Variants in PTPRB observed in about 807,000 individuals in gnomAD.
PTPRB encodes receptor-type tyrosine-protein phosphatase beta.
In PTPRB, 97 loss-of-function variants were observed where a neutral mutation model predicts 238.1. That is an observed-to-expected ratio of 0.41 (90% confidence interval 0.35 to 0.48). The LOEUF (loss-of-function observed/expected upper bound fraction) is 0.48, where lower values mean the gene tolerates loss of function less well. PTPRB is among the 20% of genes least tolerant of loss of function. The pLI is 0.30. For synonymous variants in PTPRB, 970 were observed against 995.4 expected, an observed-to-expected ratio of 0.97 and a Z score of 0.48; for missense variants, 2,292 against 2,681.9, an observed-to-expected ratio of 0.85 and a Z score of 3.21.
chr12:70,526,519 T>C (rs928334331), intron 32 of PTPRB, among the ~76,000 whole-genome samples: 2 of 152,200 alleles, frequency 1.3e-5, no homozygotes, highest in Admixed American at 6.5e-5. Context: ...AAAAGGACAT[T>C]TTAAACAAAT....
intron 1 of PTPRB, among the ~76,000 whole-genome samples, chr12:70,636,952 C>T (rs183945879): frequency 1.7e-4 from 26 of 152,274 alleles, no homozygotes; most frequent in African/African-American, 6.0e-4. Flanking sequence ...TCCTCACCCC[C>T]TTTAATCATA....
intron 4 of PTPRB, among the ~76,000 whole-genome samples, chr12:70,597,026 T>C (rs1883090199): frequency 1.3e-5 from 2 of 152,092 alleles, no homozygotes; most frequent in South Asian, 4.2e-4. Context: ...CAAGCAATTC[T>C]TCTGCCTCAG....
At chr12:70,525,003 A>ATAT (rs1565897537) in intron 32 of PTPRB, among the ~76,000 whole-genome samples, 2 of 150,952 alleles carry the variant, frequency 1.3e-5, no homozygotes, top group African/African-American at 4.9e-5. Context: ...ATATATATAT[A>ATAT]AAATATTCTG....
In PTPRB at chr12:70,556,403, ATAGT is replaced by A. The variant is rs139477819; in HGVS notation, c.4715-259_4715-256del. Among the ~76,000 whole-genome samples the A allele has an allele frequency of 8.3e-3, 1,258 of 152,278 alleles. 11 individuals are homozygous for A. Among genetic ancestry groups the A allele is most frequent in the Middle Eastern group, 0.024 (7 of 294 alleles). ...AAAGAATGCCTTGATGGGCTTATTA[ATAGT>A]TAGACGTGGCTGAGGACAGTCTCTG... On this transcript the variant is annotated intron_variant, in intron 18 of 33. Transcript: ENST00000334414.
At chr12:70,524,903 GTGTATATATGTA>G (rs1872162301) in intron 32 of PTPRB, among the ~76,000 whole-genome samples, 1 of 134,460 alleles carries the variant, frequency 7.4e-6, no homozygotes, top group African/African-American at 2.6e-5. Context: ...GTGTATATAT[GTGTATATATGTA>G]TGTATATATG....
intron 3 of PTPRB, among the ~76,000 whole-genome samples, chr12:70,619,780 C>T (rs770619234): frequency 1.3e-5 from 2 of 152,236 alleles, no homozygotes; most frequent in African/African-American, 2.4e-5. Flanking sequence ...TTTATTTTTA[C>T]ACAATTCCAA....
chr12:70,619,157 AGTGTGTGTGTGTGTGTGTGTGT>A (rs3049143), intron 3 of PTPRB, among the ~76,000 whole-genome samples: 3 of 142,120 alleles, frequency 2.1e-5, no homozygotes, highest in African/African-American at 7.9e-5. Flanking sequence ...TGTTTAGGGG[AGTGTGTGTGTGTGTGTGTGTGT>A]GTGTGTGTGT....
chr12:70,628,122 C>G (rs1164584080), intron 2 of PTPRB, among the ~76,000 whole-genome samples: 1 of 152,138 alleles, frequency 6.6e-6, no homozygotes, highest in Non-Finnish European at 1.5e-5. Flanking sequence ...TCGGCCATAT[C>G]AGGGACACTT....
intron 3 of PTPRB, among the ~76,000 whole-genome samples, chr12:70,610,428 C>G (rs192348088): frequency 6.6e-6 from 1 of 151,432 alleles, no homozygotes; most frequent in African/African-American, 2.4e-5. Context: ...AGCGTCTCCC[C>G]CTCCCTATCT....
chr12:70,594,146 AT>A (rs1218086120), intron 6 of PTPRB, among the ~76,000 whole-genome samples: 2 of 152,218 alleles, frequency 1.3e-5, no homozygotes, highest in East Asian at 3.9e-4. Context: ...GAGTGATGTC[AT>A]AAAGACAGCA....
intron 1 of PTPRB, 39 bp downstream of exon 1, chr12:70,637,302 T>C (rs757886233): frequency 6.4e-7 from 1 of 1,570,422 alleles, no homozygotes; most frequent in Non-Finnish European, 8.7e-7. Context: ...GGCTAGATCT[T>C]GAAGAAATGC....
rs572755141 is a variant in PTPRB at position 70,548,699 on chromosome 12, A to G, written c.5388-4036T>C. On this transcript the variant is annotated intron_variant, in intron 21 of 33. Coordinates refer to ENST00000334414, the MANE Select transcript of PTPRB (RefSeq NM_001109754.4). ...TCCCTTAAAACTTTTCCAAAAATGA[A>G]TATCACAACTACTTTCCCCAGCCCA... Among the ~76,000 whole-genome samples the G allele has an allele frequency of 5.3e-5, 8 of 152,264 alleles. No individual in the cohort carries two copies. The South Asian group carries it at 1.5e-3, about 28-fold the overall frequency.
At chr12:70,538,817 G>T in intron 27 of PTPRB, 107 bp downstream of exon 27, 3 of 864,258 alleles carry the variant, frequency 3.5e-6, no homozygotes, top group South Asian at 3.1e-5. Context: ...GCTTGAGATT[G>T]TCCATATCGA....
chr12:70,573,541 C>T (rs1880354629), intron 11 of PTPRB, among the ~76,000 whole-genome samples: 1 of 138,696 alleles, frequency 7.2e-6, no homozygotes, highest in Non-Finnish European at 1.5e-5. Flanking sequence ...GAATCTCACT[C>T]TCTTGCCCGG....
intron 15 of PTPRB, among the ~76,000 whole-genome samples, chr12:70,565,878 T>C (rs939038377): frequency 6.6e-6 from 1 of 152,160 alleles, no homozygotes. Context: ...GATTGTCCGG[T>C]TGGTGACCAA....
intron 8 of PTPRB, among the ~76,000 whole-genome samples, chr12:70,588,505 T>G (rs1326654896): frequency 6.6e-6 from 1 of 151,960 alleles, no homozygotes; most frequent in African/African-American, 2.4e-5. Flanking sequence ...TGGTGGCACA[T>G]GCCTGTGATC....
intron 3 of PTPRB, among the ~76,000 whole-genome samples, chr12:70,618,657 C>G (rs368744141): frequency 1.3e-5 from 2 of 152,160 alleles, no homozygotes; most frequent in African/African-American, 4.8e-5. Flanking sequence ...CCATACTTGG[C>G]GAACAATTGA....
chr12:70,594,007 G>A (rs1266852113), intron 6 of PTPRB, among the ~76,000 whole-genome samples: 1 of 152,152 alleles, frequency 6.6e-6, no homozygotes, highest in African/African-American at 2.4e-5. Flanking sequence ...ATTAGTCTAG[G>A]GTAGGCTGTG....
chr12:70,616,259 A>G (rs935884215), intron 3 of PTPRB, among the ~76,000 whole-genome samples: 2 of 152,118 alleles, frequency 1.3e-5, no homozygotes, highest in Non-Finnish European at 2.9e-5. Context: ...ATATTCTTTA[A>G]TGTGGAACAA....
Sources: gnomAD v4.1 joint callset for allele counts (sites outside exome capture counted in the v4.1 genomes callset) on GRCh38, gnomAD v4.1.1 for gene constraint, MANE v1.5 for transcripts, NCBI Gene and HGNC (gene_info 2026-07-23, HGNC 2026-07-21) for gene names.